The following DLGAP2 variants were observed in gnomAD, a reference collection of about 807,000 sequenced individuals.
DLGAP2 encodes the protein disks large-associated protein 2.
Under a neutral mutation model 100.3 loss-of-function variants are expected in DLGAP2, and 26 were observed. The observed-to-expected ratio is 0.26, with a 90% confidence interval of 0.19 to 0.36. The LOEUF is 0.36. DLGAP2 is among the 10% of genes least tolerant of loss of function. The pLI is 1.00. For missense variants in DLGAP2, 1,858 were observed against 1,453.2 expected (o/e 1.28, Z -4.53); for synonymous variants, 886 against 630.1 (o/e 1.41, Z -6.08).
intron 1 of DLGAP2, among the ~76,000 whole-genome samples, chr8:747,336 G>A (rs955234368): frequency 1.1e-4 from 16 of 152,180 alleles, no homozygotes; most frequent in East Asian, 2.0e-4. Context: ...CCATCGAGCC[G>A]TAGTGACAAA....
At chr8:1,121,127 C>A (rs193248312) in intron 2 of DLGAP2, among the ~76,000 whole-genome samples, 2 of 151,920 alleles carry the variant, frequency 1.3e-5, no homozygotes, top group East Asian at 2.0e-4. Context: ...GACCTCCCAT[C>A]CTCGTCCAGT....
intron 2 of DLGAP2, among the ~76,000 whole-genome samples, chr8:945,454 T>C (rs996588278): frequency 1.3e-5 from 2 of 152,186 alleles, no homozygotes; most frequent in African/African-American, 4.8e-5. Flanking sequence ...GACTTTAAAT[T>C]TTCCTAGTTT....
intron 2 of DLGAP2, among the ~76,000 whole-genome samples, chr8:1,241,498 C>A (rs962814087): frequency 6.6e-6 from 1 of 152,210 alleles, no homozygotes; most frequent in East Asian, 1.9e-4. Flanking sequence ...CAGTTACTCT[C>A]GGAGGCCTAT....
chr8:1,339,774 G>C (rs1390577984), intron 3 of DLGAP2, among the ~76,000 whole-genome samples: 1 of 152,194 alleles, frequency 6.6e-6, no homozygotes, highest in Non-Finnish European at 1.5e-5. Context: ...CCTAGATCCA[G>C]ATACTCCAAA....
chr8:1,363,504 C>G (rs893096743), intron 3 of DLGAP2, among the ~76,000 whole-genome samples: 2 of 152,358 alleles, frequency 1.3e-5, no homozygotes, highest in Middle Eastern at 3.4e-3. Context: ...AAAAAGCCAT[C>G]CTGGCAGGAG....
At chr8:1,537,119 G>C (rs1253654534) in intron 4 of DLGAP2, among the ~76,000 whole-genome samples, 1 of 151,970 alleles carries the variant, frequency 6.6e-6, no homozygotes, top group East Asian at 1.9e-4. Flanking sequence ...TGTGGTATGT[G>C]GTAGACCCCT....
In DLGAP2 at chr8:1,281,316, T is replaced by A. The variant is rs190568693; in HGVS notation, c.106+22433T>A. Among the ~76,000 whole-genome samples the A allele has an allele frequency of 9.2e-5, 14 of 152,256 alleles. No individual in the cohort carries two copies. In the East Asian group the frequency reaches 2.1e-3, roughly 23 times the overall value. ...AGAAACGGGGGATGGTGGAGGTGCC[T>A]CCGCCCCTCGCTCCCGGCGAAGGCA... On this transcript the variant is annotated intron_variant, in intron 3 of 14. Coordinates refer to ENST00000637795, the MANE Select transcript of DLGAP2 (RefSeq NM_001346810.2).
At chr8:1,228,465 G>A (rs760624132) in intron 2 of DLGAP2, among the ~76,000 whole-genome samples, 5 of 152,114 alleles carry the variant, frequency 3.3e-5, no homozygotes, top group Admixed American at 6.6e-5. Flanking sequence ...CTGTGAAGCC[G>A]ATATTTGTCT....
At chr8:822,049 CT>C in intron 1 of DLGAP2, 1 of 398,746 alleles carries the variant, frequency 2.5e-6, no homozygotes. Context: ...GTTATTTACC[CT>C]TTTTATCACA....
intron 6 of DLGAP2, among the ~76,000 whole-genome samples, chr8:1,603,943 C>A (rs1385974346): frequency 1.3e-5 from 2 of 152,032 alleles, no homozygotes; most frequent in Non-Finnish European, 2.9e-5. Context: ...TTTCTGAGTC[C>A]TGCAGCTCCA....
rs1401423277 is a variant in DLGAP2 at position 1,701,995 on chromosome 8, G to A, written c.*589G>A. 1 of 152,154 alleles carries A rather than the reference G, an allele frequency of 6.6e-6. No individual in the cohort carries two copies. The highest frequency in any genetic ancestry group is 2.4e-5 in the African/African-American group (1 of 41,394). 9.4% of individuals were successfully genotyped at this position (152,154 alleles called of 1,614,324 possible). A position where few individuals can be genotyped will look rare whatever the true frequency, so the allele number is the denominator to read the frequency against. On this transcript the variant is annotated 3_prime_UTR_variant, in exon 15 of 15. Transcript: ENST00000637795. ...CGAGGCTCCTTGTGTCAAGCTTCCT[G>A]TGATGGAAAGCGACCTCTCCAACCA...
rs1563061859 is a variant in DLGAP2 at position 848,889 on chromosome 8, GAAC to G, written c.19-59022_19-59020del. 1.2e-4 allele frequency among the ~76,000 whole-genome samples: 16 copies of G among 132,416 alleles called. 1 individual carries two copies. Among genetic ancestry groups the G allele is most frequent in the Admixed American group, 1.5e-4 (2 of 13,148 alleles). 86.9% of individuals were successfully genotyped at this position (132,416 alleles called of 152,430 possible). A position where few individuals can be genotyped will look rare whatever the true frequency, so the allele number is the denominator to read the frequency against. The stretch of plus-strand genomic sequence containing the variant: ...TCGCGCGGTGTCTGTTCCAGCATAG[GAAC>G]GCGCGGTGCCTGTTCCAGCATAGGA... On this transcript the variant is annotated intron_variant, in intron 1 of 14. Coordinates refer to ENST00000637795, the MANE Select transcript of DLGAP2 (RefSeq NM_001346810.2).
At chr8:1,381,213 C>T (rs75063266) in intron 3 of DLGAP2, 17 of 152,168 alleles carry the variant, frequency 1.1e-4, no homozygotes, top group African/African-American at 2.9e-4. Context: ...AAGCAGAGAC[C>T]GTGAAGGACA....
chr8:1,654,657 G>A (rs10448096), intron 8 of DLGAP2, among the ~76,000 whole-genome samples: 31,818 of 137,658 alleles, frequency 0.23, 4,179 homozygotes, highest in East Asian at 0.47. Context: ...GTGAAACTCC[G>A]TCTCAAAAAA....
chr8:879,647 A>T (rs1025161760), intron 1 of DLGAP2, among the ~76,000 whole-genome samples: 1 of 151,894 alleles, frequency 6.6e-6, no homozygotes, highest in Non-Finnish European at 1.5e-5. Context: ...TTGTGCTACA[A>T]CCTCCCTTCT....
intron 3 of DLGAP2, among the ~76,000 whole-genome samples, chr8:1,344,143 C>CA: frequency 1.3e-5 from 1 of 76,038 alleles, no homozygotes; most frequent in South Asian, 5.2e-4. Context: ...TCCGTGTACT[C>CA]GGGGCCCTGT....
At chr8:1,432,164 A>T (rs6993977) in intron 3 of DLGAP2, among the ~76,000 whole-genome samples, 12 of 151,572 alleles carry the variant, frequency 7.9e-5, no homozygotes, top group African/African-American at 2.2e-4. Flanking sequence ...CATACTCATA[A>T]GGAAACAAGT....
At chr8:782,349 A>G (rs7462056) in intron 1 of DLGAP2, among the ~76,000 whole-genome samples, 22,845 of 152,126 alleles carry the variant, frequency 0.15, 2,299 homozygotes, top group East Asian at 0.54. Flanking sequence ...TAAAAAAATC[A>G]TGTAAAACTT....
chr8:1,240,244 TGTCTAGTTCTCTTACATGGC>T (rs1798756810), intron 2 of DLGAP2, among the ~76,000 whole-genome samples: 7 of 128,174 alleles, frequency 5.5e-5, no homozygotes. Flanking sequence ...CATGGCGCCG[TGTCTAGTTCTCTTACATGGC>T]GCCGTGTCTA....
Sources: allele counts gnomAD v4.1 joint callset (sites outside exome capture counted in the v4.1 genomes callset), GRCh38; gene constraint gnomAD v4.1.1; transcripts MANE v1.5; gene names NCBI Gene and HGNC (gene_info 2026-07-23, HGNC 2026-07-21).